Variants in JADE3 observed in about 807,000 individuals in gnomAD.
The protein encoded by JADE3 is jade family PHD finger 3.
JADE3 carries 2 observed loss-of-function variants against 50.1 expected under a neutral mutation model. The ratio of observed to expected loss-of-function variants is 0.04; its 90% CI spans 0.02 to 0.13. The LOEUF is 0.13. Among genes scored for constraint, JADE3 ranks in the 10% least tolerant of loss-of-function variants. The pLI is 1.00. For missense variants in JADE3, 475 were observed against 634.4 expected, an observed-to-expected ratio of 0.75 and a Z score of 2.70; for synonymous variants, 218 against 232.9, an observed-to-expected ratio of 0.94 and a Z score of 0.58.
intron 1 of JADE3, 58 bp from the exon 2 acceptor site, chrX:46,984,826 C>G: frequency 2.2e-6 from 2 of 889,744 alleles, no homozygotes; most frequent in East Asian, 3.1e-5. Context: ...ACAGTGTTGA[C>G]TGCCCTCTGG....
chrX:47,058,890 A>G lies in JADE3; in HGVS notation c.2285A>G (p.Gln762Arg), dbSNP rs1339635437. The G allele has an allele frequency of 5.8e-6, 7 of 1,209,747 alleles. No homozygotes were observed. Among genetic ancestry groups the G allele is most frequent in the Non-Finnish European group, 7.8e-6 (7 of 895,077 alleles). ...LRRSAGRAPY[Q>R]ENDGYCPDLE... ...CGGTCTGCAGGGAGAGCTCCATATC[A>G]GGAAAATGATGGCTATTGCCCAGAT... Residue 762 changes from glutamine to arginine, a missense_variant, in exon 11 of 11, where the codon CAG becomes CGG. Around this residue, in one of 6 missense-constraint regions of JADE3, gnomAD observed 243 missense variants for 238.2 expected, o/e 1.02. Coordinates refer to ENST00000614628, the MANE Select transcript of JADE3 (RefSeq NM_014735.5).
intron 8 of JADE3, among the ~76,000 whole-genome samples, chrX:47,047,631 A>G (rs1569538678): frequency 8.9e-6 from 1 of 112,022 alleles, no homozygotes; most frequent in Non-Finnish European, 1.9e-5. Flanking sequence ...AAGGCAAACA[A>G]TCAAGGATGT....
intron 1 of JADE3, among the ~76,000 whole-genome samples, chrX:46,970,446 C>G (rs1927459671): frequency 8.9e-6 from 1 of 111,881 alleles, no homozygotes; most frequent in Non-Finnish European, 1.9e-5. Flanking sequence ...GGGATTAACT[C>G]AAACCCCCCT....
chrX:47,002,348 A>G (rs1212111756), intron 4 of JADE3, among the ~76,000 whole-genome samples: 1 of 111,573 alleles, frequency 9.0e-6, no homozygotes, highest in Admixed American at 9.6e-5. Flanking sequence ...TCATTTTTCA[A>G]AATTGCTGTG....
intron 5 of JADE3, among the ~76,000 whole-genome samples, chrX:47,026,502 T>C (rs1232557572): frequency 2.7e-5 from 3 of 111,240 alleles, no homozygotes; most frequent in South Asian, 7.5e-4. Flanking sequence ...GGTTTTTTTT[T>C]CCACTTACAA....
chrX:47,030,682 T>C (rs1928999576), intron 6 of JADE3, among the ~76,000 whole-genome samples: 2 of 112,504 alleles, frequency 1.8e-5, no homozygotes, highest in South Asian at 3.7e-4. Flanking sequence ...AATACACTTA[T>C]GTGTACTTTA....
chrX:46,981,599 T>A (rs1487319727), intron 1 of JADE3, among the ~76,000 whole-genome samples: 11 of 111,963 alleles, frequency 9.8e-5, no homozygotes, highest in Non-Finnish European at 1.3e-4. Context: ...GGCTCTTTTT[T>A]AAAAATATTC....
chrX:46,968,402 T>C (rs1927411231), intron 1 of JADE3, among the ~76,000 whole-genome samples: 1 of 109,564 alleles, frequency 9.1e-6, no homozygotes, highest in South Asian at 4.0e-4. Context: ...AATGATACAG[T>C]GAGTTTAAAG....
At chrX:47,017,522 CTG>C (rs1208503506) in intron 4 of JADE3, among the ~76,000 whole-genome samples, 3 of 111,180 alleles carry the variant, frequency 2.7e-5, no homozygotes, top group Admixed American at 9.5e-5. Context: ...TGAAGTTTTA[CTG>C]TGTGTGTGTG....
chrX:46,968,099 CCTCA>C (rs781948202), intron 1 of JADE3, among the ~76,000 whole-genome samples: 58 of 112,026 alleles, frequency 5.2e-4, no homozygotes, highest in Middle Eastern at 9.1e-3. Flanking sequence ...CTGTTTGTTT[CCTCA>C]CTCTGGAAGA....
chrX:47,018,624 G>A (rs981301418), intron 4 of JADE3, among the ~76,000 whole-genome samples: 14 of 112,232 alleles, frequency 1.2e-4, no homozygotes, highest in South Asian at 3.7e-4. Flanking sequence ...GTGAGCCGCC[G>A]CGCCCGGCCC....
In JADE3 at chrX:47,021,217, G is replaced by A. The variant is rs190844356; in HGVS notation, c.285-3507G>A. ...CTTCCTATGAATAGACTCCTACAGT[G>A]TAGTCATTTGAGACTGAATTGTTTT... On this transcript the variant is annotated intron_variant, in intron 4 of 10. Coordinates refer to ENST00000614628, the MANE Select transcript of JADE3 (RefSeq NM_014735.5). Among the ~76,000 whole-genome samples the A allele has an allele frequency of 5.3e-3, 592 of 111,670 alleles. 2 individuals carry two copies. Among genetic ancestry groups the A allele is most frequent in the South Asian group, 0.024 (65 of 2,657 alleles).
chrX:47,024,175 T>C (rs1928857136), intron 4 of JADE3, among the ~76,000 whole-genome samples: 1 of 112,084 alleles, frequency 8.9e-6, no homozygotes, highest in Non-Finnish European at 1.9e-5. Flanking sequence ...AACACACTAA[T>C]GTGACGACAT....
intron 1 of JADE3, among the ~76,000 whole-genome samples, chrX:46,916,651 C>T (rs1472495857): frequency 1.8e-5 from 2 of 112,170 alleles, no homozygotes; most frequent in Non-Finnish European, 3.8e-5. Flanking sequence ...CACTCCACTC[C>T]CCAACTTTGC....
Position 47,024,822 on chromosome X carries a change from T to C in JADE3, c.383T>C (p.Ile128Thr), listed in dbSNP as rs1928874046. The change falls in exon 5 of 11, where the codon ATC (isoleucine) becomes ACC (threonine). Residue 128 changes from isoleucine to threonine, a missense_variant. Physicochemically the swap from Ile to Thr is moderately conservative, Grantham distance 89. Around this residue, in one of 6 missense-constraint regions of JADE3, gnomAD observed 54 missense variants for 51.8 expected, o/e 1.04. Coordinates refer to ENST00000614628, the MANE Select transcript of JADE3 (RefSeq NM_014735.5). Reference protein sequence around the residue: ...PDTTEPGYINIMELAASVCRY... With the variant: ...PDTTEPGYINTMELAASVCRY... Reference sequence around the variant, plus strand: ...ACCACAGAGCCTGGCTACATCAACATCATGGAGTTGGCAGCATCTGTTTGC... The same window carrying C: ...ACCACAGAGCCTGGCTACATCAACACCATGGAGTTGGCAGCATCTGTTTGC... 1.7e-6 allele frequency: 2 copies of C among 1,196,744 alleles called. No homozygotes were observed. The highest frequency in any genetic ancestry group is 3.5e-5 in the South Asian group (2 of 56,574).
intron 8 of JADE3, among the ~76,000 whole-genome samples, chrX:47,044,732 A>G (rs1346041946): frequency 4.5e-5 from 5 of 112,224 alleles, no homozygotes; most frequent in African/African-American, 1.6e-4. Context: ...TTTTGAAGAC[A>G]TGGACAGTAT....
At chrX:47,048,116 G>A (rs1310615331) in intron 8 of JADE3, among the ~76,000 whole-genome samples, 1 of 111,502 alleles carries the variant, frequency 9.0e-6, no homozygotes, top group African/African-American at 3.3e-5. Context: ...CACCATCCAC[G>A]TGGCTGATGT....
intron 1 of JADE3, among the ~76,000 whole-genome samples, chrX:46,913,817 G>A (rs1926023257): frequency 9.0e-6 from 1 of 110,512 alleles, no homozygotes; most frequent in South Asian, 3.9e-4. Context: ...TAGGGATTTG[G>A]CAAGAAACTT....
intron 1 of JADE3, among the ~76,000 whole-genome samples, chrX:46,916,410 T>C (rs1556336345): frequency 1.8e-5 from 2 of 111,935 alleles, no homozygotes; most frequent in African/African-American, 3.2e-5. Context: ...AGTGGCTCAG[T>C]TGCAGCCACT....
Sources: allele counts gnomAD v4.1 joint callset (sites outside exome capture counted in the v4.1 genomes callset), GRCh38; gene constraint gnomAD v4.1.1; regional missense constraint gnomAD v4.1.1; transcripts MANE v1.5; gene names NCBI Gene and HGNC (gene_info 2026-07-23, HGNC 2026-07-21).